Variants in PTPRS observed in about 807,000 individuals in gnomAD.
PTPRS encodes receptor-type tyrosine-protein phosphatase S.
In PTPRS, 63 loss-of-function variants were observed where a neutral mutation model predicts 215.3. The observed-to-expected ratio is 0.29, with a 90% CI of 0.24 to 0.36. The LOEUF is 0.36. Ranked by LOEUF, PTPRS falls within the 10% of genes least tolerant of loss-of-function variation. PTPRS has a pLI of 1.00. For synonymous variants in PTPRS, 1,404 were observed against 1,191.4 expected, an observed-to-expected ratio of 1.18 and a Z score of -3.68; for missense variants, 2,258 against 2,825.8, an observed-to-expected ratio of 0.80 and a Z score of 4.56.
chr19:5,237,908 G>T lies in PTPRS; in HGVS notation c.1849+1011C>A, dbSNP rs919447473. On this transcript the variant is annotated intron_variant, in intron 13 of 37. Transcript: ENST00000262963. This position sits in a 1 kb window ranked among gnomAD's most constrained non-coding sequence, Gnocchi z 4.2. ...CCACCCCCCCGATCCCAGCGGCTCA[G>T]ATGCCCCGGCTGGAGTTGATGTTAA... Among the ~76,000 whole-genome samples, 1 of 151,972 alleles carries T rather than the reference G, an allele frequency of 6.6e-6. No individual in the cohort carries two copies. The highest frequency in any genetic ancestry group is 2.4e-5 in the African/African-American group (1 of 41,450).
intron 4 of PTPRS, 24 bp downstream of exon 4, chr19:5,273,418 C>G: frequency 6.2e-7 from 1 of 1,614,002 alleles, no homozygotes; most frequent in Non-Finnish European, 8.5e-7. Context: ...GTTTATCCTC[C>G]GCCCGCCCTG....
chr19:5,285,469 C>T (rs1423813800), intron 2 of PTPRS, among the ~76,000 whole-genome samples: 6 of 152,318 alleles, frequency 3.9e-5, no homozygotes, highest in South Asian at 2.1e-4. Flanking sequence ...GTCATCCTGA[C>T]GAGGAATGGC....
At chr19:5,309,694 G>C (rs1023261134) in intron 1 of PTPRS, among the ~76,000 whole-genome samples, 1 of 152,102 alleles carries the variant, frequency 6.6e-6, no homozygotes, top group Non-Finnish European at 1.5e-5. Context: ...CCTGGGAGTC[G>C]TTCTTGACTC....
chr19:5,274,098 C>T, intron 3 of PTPRS, 101 bp downstream of exon 3: 3 of 1,478,944 alleles, frequency 2.0e-6, no homozygotes, highest in Non-Finnish European at 2.7e-6. Flanking sequence ...GATGATGCTC[C>T]ACCTGGGGAA....
At position 5,215,308 on chromosome 19, in the gene PTPRS, G is replaced by A. The variant is rs1286081830; in HGVS notation, c.4299C>T (p.Val1433=). 1 of 1,614,118 alleles carries A rather than the reference G, an allele frequency of 6.2e-7. No individual in the cohort carries two copies. The highest frequency in any genetic ancestry group is 2.2e-5 in the East Asian group (1 of 44,884). The change falls in exon 28 of 38, where the codon GTC becomes GTT. Residue 1433 remains valine (V), a synonymous_variant. Transcript: ENST00000262963. ...ANVIAYDHSR[V]ILQPIEGIMG... The stretch of plus-strand genomic sequence containing the variant: ...AACTACCTTCAATGGGCTGGAGGAT[G>A]ACACGGGAGTGGTCATAGGCGATGA...
chr19:5,238,792 G>A (rs1473068990), intron 13 of PTPRS, 127 bp downstream of exon 13: 21 of 1,285,270 alleles, frequency 1.6e-5, no homozygotes, highest in East Asian at 1.2e-4. Flanking sequence ...GGAACAAAGC[G>A]GAGACAGGCC....
At position 5,229,362 on chromosome 19, in the gene PTPRS, G is replaced by A. The variant is rs753257671; in HGVS notation, c.2350-20C>T. ...CTCCCACTGAGCGCGGGAGGAGGCG[G>A]CAGGGGAGAGAGGAGGAAGGTGAGC... On this transcript the variant is annotated intron_variant, in intron 15 of 37. Transcript: ENST00000262963. 3 of 1,374,516 alleles carry A rather than the reference G, an allele frequency of 2.2e-6. No homozygotes were observed. The Admixed American group carries it at 9.4e-5, about 43-fold the overall frequency. 85.1% of individuals were successfully genotyped at this position (1,374,516 alleles called of 1,614,324 possible).
chr19:5,331,777 G>A (rs1350549496), intron 1 of PTPRS, among the ~76,000 whole-genome samples: 10 of 152,212 alleles, frequency 6.6e-5, no homozygotes, highest in African/African-American at 2.4e-4. Flanking sequence ...GCCCTGCCCC[G>A]CGGGACAGCC....
chr19:5,339,759 T>G lies in PTPRS; in HGVS notation c.-95+905A>C, dbSNP rs560460369. Among the ~76,000 whole-genome samples the G allele has an allele frequency of 8.0e-5, 12 of 150,328 alleles. No homozygotes were observed. The highest frequency in any genetic ancestry group is 1.8e-4 in the Non-Finnish European group (12 of 67,426). On this transcript the variant is annotated intron_variant, in intron 1 of 37. Coordinates refer to ENST00000262963, the MANE Select transcript of PTPRS (RefSeq NM_002850.4). The surrounding 1 kb of genome is among the most constrained non-coding windows in gnomAD (Gnocchi z 4.2). ...GCCCCCGGTATGACGTCACCTCCCCTCCCCCCGCAGCCCCCGGGGGCTCCC... is the reference window on the plus strand; with the variant it reads ...GCCCCCGGTATGACGTCACCTCCCCGCCCCCCGCAGCCCCCGGGGGCTCCC...
intron 1 of PTPRS, among the ~76,000 whole-genome samples, chr19:5,337,112 C>G (rs1050151662): frequency 6.6e-5 from 10 of 152,196 alleles, no homozygotes; most frequent in South Asian, 6.2e-4. Flanking sequence ...AAGATCTTCC[C>G]GTGGCTCCGA....
At chr19:5,265,389 T>G (rs2046326203) in intron 4 of PTPRS, among the ~76,000 whole-genome samples, 193 bp from the exon 5 acceptor site, 1 of 152,186 alleles carries the variant, frequency 6.6e-6, no homozygotes, top group Non-Finnish European at 1.5e-5. Context: ...TTGCCCAGGC[T>G]GGAGTACAGT....
rs764367513 is a variant in PTPRS, at chr19:5,224,486, CTT to C, written c.2495-1191_2495-1190del. The stretch of plus-strand genomic sequence containing the variant: ...AAGAAATCCAAAATCCGCCCCTGCT[CTT>C]TGTTTCGCACAGCCTGGGTAGTAAT... On this transcript the variant is annotated intron_variant, in intron 17 of 37. Coordinates refer to ENST00000262963, the MANE Select transcript of PTPRS (RefSeq NM_002850.4). 3.9e-5 allele frequency among the ~76,000 whole-genome samples: 6 copies of C among 152,314 alleles called. No individual in the cohort carries two copies. The South Asian group carries it at 1.2e-3, about 32-fold the overall frequency.
At chr19:5,207,834 T>C in intron 37 of PTPRS, 88 bp downstream of exon 37, 2 of 1,557,116 alleles carry the variant, frequency 1.3e-6, no homozygotes, top group Non-Finnish European at 1.7e-6. Flanking sequence ...CCCAGGTGGC[T>C]GTACCCATCT....
chr19:5,261,212 T>C (rs1332671638), intron 6 of PTPRS, among the ~76,000 whole-genome samples: 1 of 152,032 alleles, frequency 6.6e-6, no homozygotes, highest in Admixed American at 6.5e-5. Flanking sequence ...CCCCCTTCCT[T>C]CTTTCCGTCT....
chr19:5,216,811 A>AGG (rs34710236), intron 25 of PTPRS, 44 bp from the exon 26 acceptor site: 2 of 1,267,744 alleles, frequency 1.6e-6, no homozygotes, highest in East Asian at 2.5e-5. Context: ...TGCAGGGGGT[A>AGG]GGGGGGGGTC....
Position 5,225,838 on chromosome 19 carries a change from C to A in PTPRS, c.2383G>T (p.Val795Phe). The A allele has an allele frequency of 6.2e-7, 1 of 1,613,724 alleles. No individual in the cohort carries two copies. The highest frequency in any genetic ancestry group is 8.5e-7 in the Non-Finnish European group (1 of 1,179,780). Reference sequence around the variant, plus strand: ...GTCTCAGGCTGCAAGTTTGTGATGACCATCTCCTGCAGGCACGGCTGGGGG... The same window carrying A: ...GTCTCAGGCTGCAAGTTTGTGATGAACATCTCCTGCAGGCACGGCTGGGGG... ...ETDDTAEYEM[V>F]ITNLQPETAY... The change falls in exon 17 of 38, where the codon GTC (valine) becomes TTC (phenylalanine). Residue 795 changes from valine to phenylalanine, a missense_variant. Val to Phe is a conservative substitution (Grantham distance 50). Around this residue, in one of 6 missense-constraint regions of PTPRS, gnomAD observed 371 missense variants for 446.7 expected, o/e 0.83. Coordinates refer to ENST00000262963, the MANE Select transcript of PTPRS (RefSeq NM_002850.4).
intron 12 of PTPRS, 40 bp from the exon 13 acceptor site, chr19:5,239,103 GA>G (rs770584743): frequency 8.7e-5 from 127 of 1,458,314 alleles, no homozygotes; most frequent in Middle Eastern, 1.8e-4. Flanking sequence ...GGATGGGGGA[GA>G]GAGAGAGAGA....
intron 3 of PTPRS, 148 bp downstream of exon 3, chr19:5,274,051 T>C (rs1599863428): frequency 8.7e-7 from 1 of 1,154,798 alleles, no homozygotes; most frequent in Non-Finnish European, 1.2e-6. Flanking sequence ...GGCAGGGCCC[T>C]GGCTGGAGGC....
In PTPRS at chr19:5,229,299, C is replaced by A; in HGVS notation, c.2376+17G>T. On this transcript the variant is annotated intron_variant, in intron 16 of 37. Coordinates refer to ENST00000262963, the MANE Select transcript of PTPRS (RefSeq NM_002850.4). ...GAAGCGCACAGCAGTAGGTGGGTGG[C>A]CAGGGGCGCTACTTACATATTCGGC... 1 of 1,378,754 alleles carries A rather than the reference C, an allele frequency of 7.3e-7. No individual in the cohort carries two copies. The highest frequency in any genetic ancestry group is 9.4e-7 in the Non-Finnish European group (1 of 1,061,532). The allele number at this position is 1,378,754 out of a possible 1,614,324, so 85.4% of individuals were successfully genotyped here. A position where few individuals can be genotyped will look rare whatever the true frequency, so the allele number is the denominator to read the frequency against.
Sources: allele counts gnomAD v4.1 joint callset (sites outside exome capture counted in the v4.1 genomes callset), GRCh38; gene constraint gnomAD v4.1.1; regional missense constraint gnomAD v4.1.1; non-coding constraint Gnocchi (gnomAD v3.1); transcripts MANE v1.5; gene names NCBI Gene and HGNC (gene_info 2026-07-23, HGNC 2026-07-21).